Variants in SBDS observed in about 807,000 individuals in gnomAD.
SBDS encodes the protein ribosome maturation protein SBDS.
SBDS carries 20 observed loss-of-function variants against 26.4 expected under a neutral mutation model. The observed-to-expected ratio is 0.76, with a 90% CI of 0.53 to 1.10. SBDS has a LOEUF of 1.10. Among genes scored for constraint, SBDS ranks in the 50% least tolerant of loss-of-function variants. The probability of loss-of-function intolerance (pLI) is 0.00; values close to 1 mark genes in which losing one functional copy is unlikely to be tolerated. For missense variants in SBDS, 241 were observed against 302.0 expected (o/e 0.80, Z 1.50); for synonymous variants, 95 against 105.1 (o/e 0.90, Z 0.59).
At chr7:66,988,593 TC>T in intron 4 of SBDS, 94 bp from the exon 5 acceptor site, 1 of 1,394,376 alleles carries the variant, frequency 7.2e-7, no homozygotes, top group Non-Finnish European at 1.0e-6. Flanking sequence ...CACAATGCTG[TC>T]CAGATCTCTA....
Position 66,994,192 on chromosome 7 carries a change from A to G in SBDS, c.258+20T>C, listed in dbSNP as rs1793036556. On this transcript the variant is annotated intron_variant, in intron 2 of 4. Transcript: ENST00000246868. Reference sequence around the variant, plus strand: ...TTATAAATGGTTATTAGGGTTAGCTATGCTGCAGCTGTTACCCACCTGCTT... The same window carrying G: ...TTATAAATGGTTATTAGGGTTAGCTGTGCTGCAGCTGTTACCCACCTGCTT... 6.2e-7 allele frequency: 1 copy of G among 1,613,404 alleles called. No homozygotes were observed. The highest frequency in any genetic ancestry group is 8.5e-7 in the Non-Finnish European group (1 of 1,179,478).
At position 66,994,423 on chromosome 7, in the gene SBDS, C is replaced by A. The variant is rs1007668692; in HGVS notation, c.129-82G>T. The stretch of plus-strand genomic sequence containing the variant: ...TTTACATTTAAATACGAGATGGCAA[C>A]AACATGAACGGCAAGACACAACAAA... On this transcript the variant is annotated intron_variant, in intron 1 of 4. Transcript: ENST00000246868. The A allele has an allele frequency of 1.1e-5, 14 of 1,228,228 alleles. No individual in the cohort carries two copies. The African/African-American group carries it at 2.1e-4, about 18-fold the overall frequency. The allele number at this position is 1,228,228 out of a possible 1,614,324, so 76.1% of individuals were successfully genotyped here. A position where few individuals can be genotyped will look rare whatever the true frequency, so the allele number is the denominator to read the frequency against.
intron 3 of SBDS, 117 bp downstream of exon 3, chr7:66,993,100 G>T: frequency 1.0e-6 from 1 of 959,658 alleles, no homozygotes; most frequent in Non-Finnish European, 1.7e-6. Context: ...GGCTCCCAAA[G>T]TGCTAGGATT....
chr7:66,993,069 C>T (rs1452634766), intron 3 of SBDS, 148 bp downstream of exon 3: 28 of 794,256 alleles, frequency 3.5e-5, no homozygotes, highest in Non-Finnish European at 5.7e-5. Context: ...GTTTCCAGGC[C>T]TCAAGCAATC....
chr7:66,994,931 G>A (rs1291107585), intron 1 of SBDS, among the ~76,000 whole-genome samples: 1 of 152,190 alleles, frequency 6.6e-6, no homozygotes, highest in Admixed American at 6.5e-5. Flanking sequence ...TAGGGCTACT[G>A]AGATCTATGA....
At position 66,995,243 on chromosome 7, in the gene SBDS, G is replaced by A. The variant is rs779874549; in HGVS notation, c.128+47C>T. 9 of 1,612,458 alleles carry A rather than the reference G, an allele frequency of 5.6e-6. No individual in the cohort carries two copies. The African/African-American group carries it at 6.7e-5, about 12-fold the overall frequency. On this transcript the variant is annotated intron_variant, in intron 1 of 4. Transcript: ENST00000246868. ...TGGGCAGAGACAGGCCGCCTCGGAG[G>A]TGACGGCTCAGGCCCAGGCCCAGGC...
At chr7:66,992,288 G>C (rs1254754637) in intron 3 of SBDS, among the ~76,000 whole-genome samples, 4 of 152,086 alleles carry the variant, frequency 2.6e-5, no homozygotes, top group East Asian at 1.9e-4. Context: ...TCCATAACGA[G>C]AGGAGATTAG....
intron 4 of SBDS, 143 bp downstream of exon 4, chr7:66,990,994 G>T: frequency 2.8e-6 from 2 of 722,912 alleles, no homozygotes; most frequent in Non-Finnish European, 2.2e-6. Flanking sequence ...TCCAGCCTGG[G>T]CAACAGAGCG....
intron 1 of SBDS, 28 bp from the exon 2 acceptor site, chr7:66,994,369 T>C (rs1485324032): frequency 2.2e-5 from 35 of 1,608,326 alleles, no homozygotes; most frequent in Middle Eastern, 1.6e-4. Flanking sequence ...GAAAGTCCTA[T>C]GTGAATATAC....
At chr7:66,992,309 G>A (rs1452117861) in intron 3 of SBDS, among the ~76,000 whole-genome samples, 4 of 152,036 alleles carry the variant, frequency 2.6e-5, no homozygotes, top group Non-Finnish European at 5.9e-5. Context: ...TGGTTGGGAG[G>A]GGCCTGTGGG....
chr7:66,992,912 C>T (rs1374301843), intron 3 of SBDS, among the ~76,000 whole-genome samples: 2 of 151,124 alleles, frequency 1.3e-5, no homozygotes, highest in African/African-American at 4.9e-5. Flanking sequence ...GAGGCTGAGG[C>T]AGGAGACTTG....
intron 1 of SBDS, among the ~76,000 whole-genome samples, chr7:66,994,975 T>C (rs1211127425): frequency 6.6e-6 from 1 of 152,190 alleles, no homozygotes; most frequent in East Asian, 1.9e-4. Context: ...ACAGTATTCG[T>C]AAGACTAGGT....
At chr7:66,994,584 TC>T (rs1340134768) in intron 1 of SBDS, among the ~76,000 whole-genome samples, 1 of 151,678 alleles carries the variant, frequency 6.6e-6, no homozygotes, top group Non-Finnish European at 1.5e-5. Flanking sequence ...AACCTCAGCC[TC>T]CCGGGTTCAA....
In SBDS at chr7:66,995,412, C is replaced by A. The variant is rs1793088273; in HGVS notation, c.6G>T (p.Ser2=). The change falls in exon 1 of 5, where the codon TCG becomes TCT. Residue 2 remains serine (S), a synonymous_variant. Transcript: ENST00000246868. M[S]IFTPTNQIRL... ...GGATCTGGTTGGTGGGGGTGAAGATCGACATCGCGGCTGTTCAAAGACCCA... is the reference window on the plus strand; with the variant it reads ...GGATCTGGTTGGTGGGGGTGAAGATAGACATCGCGGCTGTTCAAAGACCCA... 4.3e-6 allele frequency: 7 copies of A among 1,613,600 alleles called. No individual in the cohort carries two copies. Among genetic ancestry groups the A allele is most frequent in the Non-Finnish European group, 5.1e-6 (6 of 1,180,010 alleles).
chr7:66,989,019 A>AC (rs904456369), intron 4 of SBDS, among the ~76,000 whole-genome samples: 1 of 151,760 alleles, frequency 6.6e-6, no homozygotes, highest in Non-Finnish European at 1.5e-5. Context: ...ACAGGAACCC[A>AC]CCACCACACC....
chr7:66,991,574 C>T (rs1333787360), intron 3 of SBDS, among the ~76,000 whole-genome samples: 1 of 152,006 alleles, frequency 6.6e-6, no homozygotes, highest in Non-Finnish European at 1.5e-5. Context: ...GGGTGCATCA[C>T]AAGGTCAGGA....
At chr7:66,989,284 G>T (rs1051546656) in intron 4 of SBDS, among the ~76,000 whole-genome samples, 5 of 150,044 alleles carry the variant, frequency 3.3e-5, no homozygotes, top group African/African-American at 1.2e-4. Flanking sequence ...GGTGGCTCAA[G>T]CCTGTAATCC....
chr7:66,994,226 C>T lies in SBDS; in HGVS notation c.244G>A (p.Glu82Lys). 3.7e-6 allele frequency: 6 copies of T among 1,614,108 alleles called. No homozygotes were observed. The highest frequency in any genetic ancestry group is 5.1e-6 in the Non-Finnish European group (6 of 1,180,000). The change falls in exon 2 of 5, where the codon GAA becomes AAA. Residue 82 changes from glutamate (E) to lysine (K), a missense_variant. By Grantham distance (56) the Glu-to-Lys change is moderately conservative. Coordinates refer to ENST00000246868, the MANE Select transcript of SBDS (RefSeq NM_016038.4). ...CTGTTACCCACCTGCTTACAGATTT[C>T]AGTTTGGTCATCTGTTCCAAACGCA... ...ISAFGTDDQT[E>K]ICKQILTKGE...
chr7:66,995,527 C>A lies in SBDS; in HGVS notation c.-110G>T, dbSNP rs1017731057. 1 of 1,531,858 alleles carries A rather than the reference C, an allele frequency of 6.5e-7. No individual in the cohort carries two copies. The highest frequency in any genetic ancestry group is 1.4e-5 in the African/African-American group (1 of 73,034). The allele number at this position is 1,531,858 out of a possible 1,614,324, so 94.9% of individuals were successfully genotyped here. Reference sequence around the variant, plus strand: ...CGACCGATCGGCGCGCGGCACTGACCCAACCACCAGTGCGCGGCGCCGCGA... The same window carrying A: ...CGACCGATCGGCGCGCGGCACTGACACAACCACCAGTGCGCGGCGCCGCGA... On this transcript the variant is annotated 5_prime_UTR_variant, in exon 1 of 5. Transcript: ENST00000246868.
Sources: allele counts gnomAD v4.1 joint callset (sites outside exome capture counted in the v4.1 genomes callset), GRCh38; gene constraint gnomAD v4.1.1; transcripts MANE v1.5; gene names NCBI Gene and HGNC (gene_info 2026-07-23, HGNC 2026-07-21).